The following STX8 variants were observed in gnomAD, a reference collection of about 807,000 sequenced individuals.
STX8 encodes the protein syntaxin-8.
Under a neutral mutation model 37.5 loss-of-function variants are expected in STX8, and 23 were observed. That is an observed-to-expected ratio of 0.61 (90% confidence interval 0.44 to 0.87). The LOEUF (loss-of-function observed/expected upper bound fraction) is 0.87. Ranked by LOEUF, STX8 falls within the 40% of genes least tolerant of loss-of-function variation. The pLI is 0.00. For synonymous variants in STX8, 115 were observed against 99.1 expected, an observed-to-expected ratio of 1.16 and a Z score of -0.95; for missense variants, 313 against 284.7, an observed-to-expected ratio of 1.10 and a Z score of -0.71.
intron 7 of STX8, among the ~76,000 whole-genome samples, chr17:9,354,629 T>C (rs1205574492): frequency 1.3e-5 from 2 of 152,084 alleles, no homozygotes; most frequent in Admixed American, 1.3e-4. Context: ...CCATATTTAC[T>C]CTTAACATAC....
intron 6 of STX8, among the ~76,000 whole-genome samples, chr17:9,392,646 G>GTAAT (rs1345926490): frequency 6.6e-6 from 1 of 152,068 alleles, no homozygotes; most frequent in Non-Finnish European, 1.5e-5. Context: ...GCTCCAAGAA[G>GTAAT]TAATGGTGAA....
intron 7 of STX8, among the ~76,000 whole-genome samples, chr17:9,264,779 C>T (rs1464225964): frequency 6.6e-6 from 1 of 152,056 alleles, no homozygotes; most frequent in Admixed American, 6.6e-5. Flanking sequence ...GCATTTAAAA[C>T]AATATGCATA....
intron 6 of STX8, among the ~76,000 whole-genome samples, chr17:9,478,382 C>G (rs980738730): frequency 2.6e-5 from 4 of 152,138 alleles, no homozygotes; most frequent in Non-Finnish European, 5.9e-5. Context: ...GTGATCTGCC[C>G]TCCTTGGCCT....
At chr17:9,348,571 C>T (rs1445727354) in intron 7 of STX8, among the ~76,000 whole-genome samples, 5 of 150,856 alleles carry the variant, frequency 3.3e-5, no homozygotes, top group African/African-American at 9.7e-5. Flanking sequence ...TCCTCATCCA[C>T]ATTATTTCAG....
chr17:9,427,024 C>T (rs1913658271), intron 6 of STX8, among the ~76,000 whole-genome samples: 1 of 152,086 alleles, frequency 6.6e-6, no homozygotes, highest in Non-Finnish European at 1.5e-5. Context: ...ATTTTTATAA[C>T]TACTTTCAGC....
intron 7 of STX8, among the ~76,000 whole-genome samples, chr17:9,252,524 G>A (rs1011190690): frequency 2.7e-5 from 4 of 149,712 alleles, no homozygotes; most frequent in Admixed American, 6.7e-5. Flanking sequence ...CAAGAGAATC[G>A]TTTGAACACG....
chr17:9,571,491 G>GT (rs1168251996), intron 1 of STX8, among the ~76,000 whole-genome samples: 3 of 151,166 alleles, frequency 2.0e-5, no homozygotes, highest in African/African-American at 7.3e-5. Flanking sequence ...ATTGGGTCGG[G>GT]GGGTGGCTGA....
chr17:9,359,505 T>A (rs962203969), intron 7 of STX8, among the ~76,000 whole-genome samples: 5 of 120,634 alleles, frequency 4.1e-5, no homozygotes, highest in South Asian at 2.8e-4. Flanking sequence ...TGAGACATAT[T>A]TTTTTTTTTT....
chr17:9,275,455 C>T (rs1009675172), intron 7 of STX8, among the ~76,000 whole-genome samples: 1 of 152,220 alleles, frequency 6.6e-6, no homozygotes. Context: ...TTTACATACA[C>T]CAGCAACTTC....
At chr17:9,571,893 C>T (rs1385691977) in intron 1 of STX8, among the ~76,000 whole-genome samples, 4 of 147,742 alleles carry the variant, frequency 2.7e-5, no homozygotes, top group East Asian at 4.0e-4. Flanking sequence ...CCAGCCTGGG[C>T]GACGGAGCAA....
At chr17:9,513,690 A>C (rs535115997) in intron 4 of STX8, among the ~76,000 whole-genome samples, 1 of 152,338 alleles carries the variant, frequency 6.6e-6, no homozygotes, top group African/African-American at 2.4e-5. Context: ...CAAAGGAAAG[A>C]AAATCAGTAT....
chr17:9,294,486 G>A lies in STX8; in HGVS notation c.644-43841C>T, dbSNP rs946962095. 3.3e-5 allele frequency among the ~76,000 whole-genome samples: 5 copies of A among 152,296 alleles called. No individual in the cohort carries two copies. The South Asian group carries it at 8.3e-4, about 25-fold the overall frequency. ...GAGGGTGGAACATCTGAAGCCAGGC[G>A]TTTCATAAACAGGAGCTTTGGCAGT... On this transcript the variant is annotated intron_variant, in intron 7 of 7. Transcript: ENST00000306357.
Position 9,260,644 on chromosome 17 carries a change from AAACAAACAAAC to A in STX8, c.644-10010_644-10000del, listed in dbSNP as rs1906980324. Among the ~76,000 whole-genome samples the A allele has an allele frequency of 7.2e-5, 11 of 152,028 alleles. No individual in the cohort carries two copies. The East Asian group carries it at 7.7e-4, about 11-fold the overall frequency. ...GTCTCAGAAAAACAAACAAACAAAC[AAACAAACAAAC>A]AACTGTGGTCTTTTGGGGTGGCTCT... On this transcript the variant is annotated intron_variant, in intron 7 of 7. Coordinates refer to ENST00000306357, the MANE Select transcript of STX8 (RefSeq NM_004853.3).
At chr17:9,293,813 G>A (rs1181119352) in intron 7 of STX8, among the ~76,000 whole-genome samples, 1 of 151,284 alleles carries the variant, frequency 6.6e-6, no homozygotes, top group Admixed American at 6.6e-5. Context: ...CCAGGCTGGA[G>A]TGCAGCGGCA....
intron 6 of STX8, among the ~76,000 whole-genome samples, chr17:9,483,871 C>T (rs1906459073): frequency 1.3e-5 from 2 of 152,106 alleles, no homozygotes; most frequent in South Asian, 4.1e-4. Context: ...ATCTTGGGCA[C>T]AGGCAGGGTG....
chr17:9,575,722 T>C (rs1907885916), intron 1 of STX8, 70 bp downstream of exon 1: 1 of 1,535,430 alleles, frequency 6.5e-7, no homozygotes, highest in South Asian at 1.2e-5. Flanking sequence ...GCGAAGTGAT[T>C]GCCTGCTCTC....
Position 9,545,283 on chromosome 17 carries a change from C to G in STX8, c.213-1G>C. On this transcript the variant is annotated splice_acceptor_variant, in intron 3 of 7. Coordinates refer to ENST00000306357, the MANE Select transcript of STX8 (RefSeq NM_004853.3). LOFTEE classifies it high-confidence loss of function. ...TCTTCGGTCCCCTTCAAGCTGTGTT[C>G]TGCAGATATCTTGTTAAGGTTCAAT... 6.2e-7 allele frequency: 1 copy of G among 1,606,040 alleles called. No homozygotes were observed. Among genetic ancestry groups the G allele is most frequent in the East Asian group, 2.2e-5 (1 of 44,818 alleles).
At chr17:9,331,674 C>T (rs1211978215) in intron 7 of STX8, among the ~76,000 whole-genome samples, 1 of 152,188 alleles carries the variant, frequency 6.6e-6, no homozygotes, top group Non-Finnish European at 1.5e-5. Context: ...GCCAATGCTG[C>T]TTTCCCCAAT....
At chr17:9,464,754 A>C (rs1235412650) in intron 6 of STX8, 1 of 132,530 alleles carries the variant, frequency 7.5e-6, no homozygotes, top group African/African-American at 2.9e-5. Flanking sequence ...ACGGAGTCTC[A>C]CTCTATCGTG....
Sources: allele counts gnomAD v4.1 joint callset (sites outside exome capture counted in the v4.1 genomes callset), GRCh38; gene constraint gnomAD v4.1.1; transcripts MANE v1.5; gene names NCBI Gene and HGNC (gene_info 2026-07-23, HGNC 2026-07-21).